Variants in KCNIP4 observed in about 807,000 individuals in gnomAD.
KCNIP4 encodes the protein potassium voltage-gated channel interacting protein 4.
Under a neutral mutation model 34.0 loss-of-function variants are expected in KCNIP4, and 12 were observed. The observed-to-expected ratio is 0.35, with a 90% CI of 0.23 to 0.57. The LOEUF (loss-of-function observed/expected upper bound fraction) is 0.57, where lower values mean the gene tolerates loss of function less well. Among genes scored for constraint, KCNIP4 ranks in the 20% least tolerant of loss-of-function variants. The probability of loss-of-function intolerance (pLI) is 0.83; values close to 1 mark genes in which losing one functional copy is unlikely to be tolerated. For synonymous variants in KCNIP4, 124 were observed against 102.2 expected (o/e 1.21, Z -1.29); for missense variants, 238 against 311.7 (o/e 0.76, Z 1.78).
intron 1 of KCNIP4, among the ~76,000 whole-genome samples, chr4:21,594,014 C>T (rs534091279): frequency 6.6e-6 from 1 of 152,078 alleles, no homozygotes; most frequent in African/African-American, 2.4e-5. Flanking sequence ...ACCTTGGGGC[C>T]TGCATGTATG....
intron 4 of KCNIP4, 115 bp from the exon 5 acceptor site, chr4:20,749,847 T>G (rs1753266838): frequency 4.9e-6 from 3 of 608,214 alleles, no homozygotes; most frequent in Non-Finnish European, 8.5e-6. Flanking sequence ...CTCCTTTAGT[T>G]TGTGCTTTCT....
At chr4:21,243,701 G>A (rs1760007153) in intron 1 of KCNIP4, among the ~76,000 whole-genome samples, 1 of 152,152 alleles carries the variant, frequency 6.6e-6, no homozygotes, top group Non-Finnish European at 1.5e-5. Context: ...CCAAAATCAA[G>A]TTCCCCATGT....
chr4:21,580,993 T>A (rs1741160312), intron 1 of KCNIP4, among the ~76,000 whole-genome samples: 1 of 152,098 alleles, frequency 6.6e-6, no homozygotes, highest in Non-Finnish European at 1.5e-5. Flanking sequence ...CAACTTAAGC[T>A]AAACTTATAA....
At chr4:21,555,534 C>G (rs1428492406) in intron 1 of KCNIP4, among the ~76,000 whole-genome samples, 6 of 151,946 alleles carry the variant, frequency 3.9e-5, no homozygotes. Flanking sequence ...AATAAAACAT[C>G]AAAGTTGAGC....
intron 1 of KCNIP4, among the ~76,000 whole-genome samples, chr4:21,027,794 T>G (rs1220920991): frequency 6.6e-6 from 1 of 151,962 alleles, no homozygotes; most frequent in Non-Finnish European, 1.5e-5. Flanking sequence ...CAGGGCTCAG[T>G]TCTCTTCTCT....
intron 1 of KCNIP4, among the ~76,000 whole-genome samples, chr4:20,907,926 C>T (rs1727935616): frequency 6.6e-6 from 1 of 151,944 alleles, no homozygotes; most frequent in African/African-American, 2.4e-5. Context: ...TTTTTTTTAG[C>T]TAATTCCTTA....
intron 1 of KCNIP4, among the ~76,000 whole-genome samples, chr4:21,797,449 C>CA: frequency 6.6e-6 from 1 of 150,504 alleles, no homozygotes; most frequent in Non-Finnish European, 1.5e-5. Context: ...CTGGCCACCT[C>CA]ATTCTTTTCT....
At chr4:21,600,693 C>T (rs987424079) in intron 1 of KCNIP4, among the ~76,000 whole-genome samples, 1 of 152,064 alleles carries the variant, frequency 6.6e-6, no homozygotes, top group Admixed American at 6.6e-5. Flanking sequence ...AACACTCATG[C>T]TCTGCATGTG....
chr4:20,955,793 T>C (rs1179312137), intron 1 of KCNIP4, among the ~76,000 whole-genome samples: 3 of 152,196 alleles, frequency 2.0e-5, no homozygotes, highest in African/African-American at 7.2e-5. Flanking sequence ...ACAAATTATA[T>C]GCCTAAATTC....
chr4:20,762,011 T>G lies in KCNIP4; in HGVS notation c.289-3121A>C, dbSNP rs1242191121. Among the ~76,000 whole-genome samples the G allele has an allele frequency of 5.9e-5, 9 of 152,268 alleles. No individual in the cohort carries two copies. In the South Asian group the frequency reaches 1.7e-3, roughly 28 times the overall value. On this transcript the variant is annotated intron_variant, in intron 3 of 8. Coordinates refer to ENST00000382152, the MANE Select transcript of KCNIP4 (RefSeq NM_025221.6). ...TCCCATCATGGAACCTCTATCCAAC[T>G]AGAAGAATAAAGACTGTCTTTGTTC...
chr4:21,106,892 A>G (rs1053025810), intron 1 of KCNIP4, among the ~76,000 whole-genome samples: 4 of 151,530 alleles, frequency 2.6e-5, no homozygotes, highest in African/African-American at 9.8e-5. Context: ...TTCAGTTTCC[A>G]TGTAGTTGAG....
intron 1 of KCNIP4, among the ~76,000 whole-genome samples, chr4:20,960,644 C>T (rs1041091372): frequency 3.3e-5 from 5 of 152,144 alleles, no homozygotes; most frequent in African/African-American, 7.2e-5. Flanking sequence ...TTAGCAGGGG[C>T]GAATATCCAT....
intron 1 of KCNIP4, among the ~76,000 whole-genome samples, chr4:21,424,224 G>A (rs993790568): frequency 5.3e-5 from 8 of 152,010 alleles, no homozygotes; most frequent in African/African-American, 1.2e-4. Flanking sequence ...GAAAAGGCCT[G>A]GGGTCCATAT....
At chr4:21,630,627 G>A (rs1037586263) in intron 1 of KCNIP4, among the ~76,000 whole-genome samples, 2 of 151,876 alleles carry the variant, frequency 1.3e-5, no homozygotes, top group Non-Finnish European at 2.9e-5. Context: ...TAGGCTTATT[G>A]CCATCAATTC....
rs776213916 is a variant in KCNIP4, at chr4:20,850,624, C to G, written c.207G>C (p.Arg69=). 1.2e-5 allele frequency: 20 copies of G among 1,612,598 alleles called. No individual in the cohort carries two copies. Among genetic ancestry groups the G allele is most frequent in the East Asian group, 4.5e-5 (2 of 44,802 alleles). The change falls in exon 3 of 9, where the codon CGG becomes CGC. Residue 69 remains arginine (R), a synonymous_variant. Transcript: ENST00000382152. The stretch of plus-strand genomic sequence containing the variant: ...CTTCCAGAAGCTCAAGGGCTTCAGG[C>G]CGATGCCTGACGGTGGCCATCTCCA... The part of the protein sequence containing the change: ...DELEMATVRH[R]PEALELLEAQ...
At chr4:21,121,013 G>A (rs190353407) in intron 1 of KCNIP4, among the ~76,000 whole-genome samples, 43 of 152,312 alleles carry the variant, frequency 2.8e-4, no homozygotes, top group African/African-American at 1.0e-3. Flanking sequence ...CTGAGTGTGT[G>A]ACAGTTTGCC....
intron 1 of KCNIP4, among the ~76,000 whole-genome samples, chr4:21,559,334 A>C (rs1190357733): frequency 6.6e-6 from 1 of 152,146 alleles, no homozygotes; most frequent in Non-Finnish European, 1.5e-5. Flanking sequence ...CACAAAGTGG[A>C]AACAGTTTCA....
chr4:21,804,052 G>C (rs1721157191), intron 1 of KCNIP4, among the ~76,000 whole-genome samples: 1 of 152,164 alleles, frequency 6.6e-6, no homozygotes, highest in Admixed American at 6.5e-5. Context: ...TACAAGATTT[G>C]GCTTTGTGTT....
At chr4:21,825,584 T>G (rs1722632100) in intron 1 of KCNIP4, among the ~76,000 whole-genome samples, 1 of 152,106 alleles carries the variant, frequency 6.6e-6, no homozygotes, top group South Asian at 2.1e-4. Flanking sequence ...TGACATGAAG[T>G]ATGTGAAGAT....
Sources: allele counts gnomAD v4.1 joint callset (sites outside exome capture counted in the v4.1 genomes callset), GRCh38; gene constraint gnomAD v4.1.1; transcripts MANE v1.5; gene names NCBI Gene and HGNC (gene_info 2026-07-23, HGNC 2026-07-21).